Variants in MAPK10 observed in about 807,000 individuals in gnomAD.
MAPK10 encodes JNK3 alpha protein kinase.
MAPK10 carries 25 observed loss-of-function variants against 59.3 expected under a neutral mutation model. The observed-to-expected ratio is 0.42, with a 90% confidence interval of 0.31 to 0.59. The LOEUF is 0.59. Ranked by LOEUF, MAPK10 falls within the 20% of genes least tolerant of loss-of-function variation. The probability of loss-of-function intolerance (pLI) is 0.15; values close to 1 mark genes in which losing one functional copy is unlikely to be tolerated. For synonymous variants in MAPK10, 190 were observed against 200.5 expected, an observed-to-expected ratio of 0.95 and a Z score of 0.44; for missense variants, 351 against 568.9, an observed-to-expected ratio of 0.62 and a Z score of 3.90.
chr4:86,207,245 A>G (rs1201981484), intron 2 of MAPK10, among the ~76,000 whole-genome samples: 14 of 151,700 alleles, frequency 9.2e-5, no homozygotes, highest in Non-Finnish European at 1.8e-4. Flanking sequence ...GAAGGGATCC[A>G]GTTTCAGCTT....
At chr4:86,110,349 A>T (rs2057280487) in intron 4 of MAPK10, among the ~76,000 whole-genome samples, 2 of 152,056 alleles carry the variant, frequency 1.3e-5, no homozygotes, top group Non-Finnish European at 2.9e-5. Context: ...TAGGATTTTT[A>T]TAGTTTTGGG....
At chr4:86,591,866 ATGG>A (rs1243793728) in intron 1 of MAPK10, among the ~76,000 whole-genome samples, 1 of 152,130 alleles carries the variant, frequency 6.6e-6, no homozygotes, top group Non-Finnish European at 1.5e-5. Context: ...TTACAATGTG[ATGG>A]TGAACATTCT....
At chr4:86,467,513 TTTTG>T (rs58369823) in intron 1 of MAPK10, among the ~76,000 whole-genome samples, 95 of 150,920 alleles carry the variant, frequency 6.3e-4, no homozygotes, top group African/African-American at 1.9e-3. Flanking sequence ...AAAACAGCAT[TTTTG>T]TTTGTTTGTT....
At chr4:86,267,199 A>G (rs1334720927) in intron 2 of MAPK10, among the ~76,000 whole-genome samples, 1 of 152,242 alleles carries the variant, frequency 6.6e-6, no homozygotes, top group Non-Finnish European at 1.5e-5. Flanking sequence ...TTTAGCATAG[A>G]TTTCCCACAA....
chr4:86,042,656 G>A (rs1469851978), intron 11 of MAPK10, among the ~76,000 whole-genome samples: 1 of 151,916 alleles, frequency 6.6e-6, no homozygotes, highest in Non-Finnish European at 1.5e-5. Context: ...AGATGTTTTT[G>A]TAATTCTCAT....
intron 1 of MAPK10, among the ~76,000 whole-genome samples, chr4:86,394,268 CA>C (rs558448709): frequency 2.1e-4 from 30 of 142,888 alleles, no homozygotes; most frequent in South Asian, 1.8e-3. Flanking sequence ...GACTCCATTT[CA>C]AAAAAAAAAG....
intron 3 of MAPK10, among the ~76,000 whole-genome samples, 185 bp from the exon 4 acceptor site, chr4:86,159,652 G>A (rs1226826976): frequency 1.3e-5 from 2 of 151,860 alleles, no homozygotes; most frequent in South Asian, 4.2e-4. Context: ...AAAGAGCTTA[G>A]GGAAAAAATG....
chr4:86,104,269 C>T (rs868650394), intron 5 of MAPK10, among the ~76,000 whole-genome samples: 2 of 152,110 alleles, frequency 1.3e-5, no homozygotes, highest in Non-Finnish European at 1.5e-5. Flanking sequence ...AAAATAACCA[C>T]AGTACCATCC....
At chr4:86,454,877 G>A (rs573104981), upstream of MAPK10, among the ~76,000 whole-genome samples, 51 of 152,158 alleles carry the variant, frequency 3.4e-4, 1 homozygote, top group African/African-American at 1.2e-3. Flanking sequence ...AGAGATGTAA[G>A]GCAAAAATAC....
intron 1 of MAPK10, among the ~76,000 whole-genome samples, chr4:86,428,789 A>G (rs1243781428): frequency 6.6e-6 from 1 of 152,234 alleles, no homozygotes; most frequent in African/African-American, 2.4e-5. Context: ...CCCACAAGGC[A>G]TATTCACAGT....
At chr4:86,478,737 C>G (rs912394068) in intron 1 of MAPK10, among the ~76,000 whole-genome samples, 1 of 152,140 alleles carries the variant, frequency 6.6e-6, no homozygotes, top group Non-Finnish European at 1.5e-5. Context: ...CCCATACTTC[C>G]TTCTTTCCTG....
At chr4:86,427,818 C>G (rs142383120) in intron 1 of MAPK10, among the ~76,000 whole-genome samples, 52 of 152,260 alleles carry the variant, frequency 3.4e-4, no homozygotes, top group African/African-American at 1.2e-3. Flanking sequence ...ATCTTAATAT[C>G]AGAAGATATA....
At chr4:86,189,958 G>C (rs2079260277) in intron 3 of MAPK10, among the ~76,000 whole-genome samples, 1 of 152,094 alleles carries the variant, frequency 6.6e-6, no homozygotes, top group Non-Finnish European at 1.5e-5. Context: ...TAGCATGAAT[G>C]GGTGTTGAAT....
At chr4:86,290,143 A>C (rs2095174192) in intron 2 of MAPK10, among the ~76,000 whole-genome samples, 1 of 152,150 alleles carries the variant, frequency 6.6e-6, no homozygotes, top group Non-Finnish European at 1.5e-5. Context: ...GGAGAGTGAG[A>C]AGAAAAGAAT....
At chr4:86,360,063 C>T (rs1736594364), upstream of MAPK10, 4 of 985,664 alleles carry the variant, frequency 4.1e-6, no homozygotes, top group South Asian at 1.9e-4. Flanking sequence ...TGGAACCTAC[C>T]AGAGGAGACG....
rs1741397759 is a variant in MAPK10, at chr4:86,011,075, T to G, written c.*6153A>C. 6.6e-6 allele frequency: 1 copy of G among 152,248 alleles called. No individual in the cohort carries two copies. The highest frequency in any genetic ancestry group is 2.4e-5 in the African/African-American group (1 of 41,464). 9.4% of individuals were successfully genotyped at this position (152,248 alleles called of 1,614,324 possible). On this transcript the variant is annotated 3_prime_UTR_variant, in exon 14 of 14. Coordinates refer to ENST00000641462, the MANE Select transcript of MAPK10 (RefSeq NM_138982.4). The stretch of plus-strand genomic sequence containing the variant: ...AAATATTTGACATAAGGTAGAAAAT[T>G]TCAAAGGAGTGTTTGACTTGTTGCT...
intron 11 of MAPK10, among the ~76,000 whole-genome samples, chr4:86,040,336 G>T (rs934355579): frequency 6.6e-6 from 1 of 152,010 alleles, no homozygotes; most frequent in African/African-American, 2.4e-5. Context: ...AAGACAAAGA[G>T]AAATCCTATT....
chr4:86,421,136 C>T (rs926721081), intron 1 of MAPK10, among the ~76,000 whole-genome samples: 26 of 151,792 alleles, frequency 1.7e-4, no homozygotes, highest in African/African-American at 5.8e-4. Context: ...ATGACATAAT[C>T]GTGTGTGTGT....
intron 2 of MAPK10, among the ~76,000 whole-genome samples, chr4:86,310,947 G>A (rs1484365109): frequency 6.6e-6 from 1 of 151,640 alleles, no homozygotes; most frequent in African/African-American, 2.4e-5. Flanking sequence ...TAGGTTTCCT[G>A]TAAGAGTCCA....
Sources: allele counts gnomAD v4.1 joint callset (sites outside exome capture counted in the v4.1 genomes callset), GRCh38; gene constraint gnomAD v4.1.1; transcripts MANE v1.5; gene names NCBI Gene and HGNC (gene_info 2026-07-23, HGNC 2026-07-21).